Variants in SPAM1 observed in about 807,000 individuals in gnomAD.
The protein encoded by SPAM1 is sperm adhesion molecule 1.
A neutral mutation model predicts 29.6 loss-of-function variants in SPAM1; 22 were observed. That is an observed-to-expected ratio of 0.74 (90% CI 0.53 to 1.06). SPAM1 has a LOEUF of 1.06. SPAM1 is among the 50% of genes least tolerant of loss of function. The pLI is 0.00. For missense variants in SPAM1, 534 were observed against 604.0 expected (o/e 0.88, Z 1.21); for synonymous variants, 194 against 204.6 (o/e 0.95, Z 0.44).
chr7:123,926,780 TAGAA>T (rs1180077593), intron 1 of SPAM1, among the ~76,000 whole-genome samples: 58 of 152,310 alleles, frequency 3.8e-4, no homozygotes, highest in African/African-American at 1.3e-3. Context: ...CTGGGATCGA[TAGAA>T]AGGAATGTTC....
chr7:123,932,431 A>C (rs574861492), intron 1 of SPAM1: 13 of 152,386 alleles, frequency 8.5e-5, no homozygotes, highest in Admixed American at 7.2e-4. Flanking sequence ...CTTCATGTGA[A>C]TCTGTTTCTA....
intron 5 of SPAM1, chr7:123,970,062 G>A (rs1474214585): frequency 1.3e-6 from 1 of 754,854 alleles, no homozygotes; most frequent in African/African-American, 1.8e-5. Flanking sequence ...TTTAGTCCGG[G>A]TTCACTTTCT....
downstream of SPAM1, chr7:123,960,092 C>G: frequency 7.3e-7 from 1 of 1,364,864 alleles, no homozygotes; most frequent in Admixed American, 2.5e-5. Context: ...TTCTGAATAA[C>G]TATACCTAGG....
intron 1 of SPAM1, among the ~76,000 whole-genome samples, chr7:123,934,091 A>T (rs1322782980): frequency 1.3e-5 from 2 of 152,228 alleles, no homozygotes; most frequent in Non-Finnish European, 2.9e-5. Flanking sequence ...ACAATAAGTT[A>T]TACCACATAG....
chr7:123,954,328 G>A lies in SPAM1; in HGVS notation c.758G>A (p.Trp253Ter), dbSNP rs1792194355. The change falls in exon 3 of 5, where the codon TGG (tryptophan) becomes TAG (stop). Residue 253 changes from tryptophan (W) to a stop codon, truncating the protein, a stop_gained. Coordinates refer to ENST00000682466, the MANE Select transcript of SPAM1 (RefSeq NM_153189.3). LOFTEE classifies it high-confidence loss of function. ...AGAAATGATGATCTCAGCTGGTTGT[G>A]GAATGAAAGCACTGCTCTTTACCCA... ...IKRNDDLSWL[W>*]NESTALYPSI... 1 of 1,613,022 alleles carries A rather than the reference G, an allele frequency of 6.2e-7. No individual in the cohort carries two copies. The highest frequency in any genetic ancestry group is 8.5e-7 in the Non-Finnish European group (1 of 1,179,480).
At chr7:123,957,666 T>A (rs1422785138) in intron 4 of SPAM1, among the ~76,000 whole-genome samples, 1 of 152,050 alleles carries the variant, frequency 6.6e-6, no homozygotes, top group African/African-American at 2.4e-5. Context: ...TGGGTTTCAA[T>A]GGAATAAAAT....
downstream of SPAM1, chr7:123,960,085 T>G (rs1415487075): frequency 7.2e-7 from 1 of 1,393,550 alleles, no homozygotes; most frequent in Admixed American, 2.4e-5. Flanking sequence ...AAGTTCTTTC[T>G]GAATAACTAT....
At chr7:123,954,975 C>T in intron 3 of SPAM1, 22 bp from the exon 4 acceptor site, 1 of 1,564,262 alleles carries the variant, frequency 6.4e-7, no homozygotes, top group East Asian at 2.2e-5. Context: ...TATCTGCTAA[C>T]TCTTTCTGTC....
At chr7:123,929,895 A>ATTTTT (rs71163712) in intron 1 of SPAM1, among the ~76,000 whole-genome samples, 4 of 119,830 alleles carry the variant, frequency 3.3e-5, no homozygotes, top group Non-Finnish European at 5.2e-5. Context: ...GTGTTTAGGG[A>ATTTTT]TTTTTTTTTT....
At chr7:123,958,077 C>T (rs1482821942) in intron 4 of SPAM1, among the ~76,000 whole-genome samples, 1 of 152,018 alleles carries the variant, frequency 6.6e-6, no homozygotes, top group East Asian at 1.9e-4. Context: ...CACATTGTCA[C>T]AGGTTCCAGG....
chr7:123,937,508 G>A (rs1218309840), intron 1 of SPAM1, among the ~76,000 whole-genome samples: 4 of 150,630 alleles, frequency 2.7e-5, no homozygotes, highest in Non-Finnish European at 4.4e-5. Flanking sequence ...GGCTGAGGCA[G>A]GAGAATGGAT....
At chr7:123,927,148 A>G (rs1773066795) in intron 1 of SPAM1, among the ~76,000 whole-genome samples, 3 of 152,258 alleles carry the variant, frequency 2.0e-5, no homozygotes, top group South Asian at 2.1e-4. Flanking sequence ...TCTGATGAGA[A>G]TTTATTGTTT....
chr7:123,933,052 AT>A (rs545387698), intron 1 of SPAM1, among the ~76,000 whole-genome samples: 4,958 of 147,578 alleles, frequency 0.034, 167 homozygotes, highest in African/African-American at 0.086. Flanking sequence ...TATTTATTTT[AT>A]TTTTTTTTTT....
chr7:123,945,120 T>C (rs1024658121), intron 1 of SPAM1, among the ~76,000 whole-genome samples: 5 of 152,116 alleles, frequency 3.3e-5, no homozygotes, highest in African/African-American at 1.2e-4. Flanking sequence ...CCATATAAGA[T>C]TCTTTTGCAT....
At chr7:123,925,813 G>A (rs1584943279) in intron 1 of SPAM1, 4 of 151,990 alleles carry the variant, frequency 2.6e-5, no homozygotes, top group Admixed American at 1.3e-4. Context: ...ACTGTGTTGC[G>A]AGGTGCTGTG....
chr7:123,969,216 T>C (rs1043706334), intron 5 of SPAM1, among the ~76,000 whole-genome samples: 1 of 152,050 alleles, frequency 6.6e-6, no homozygotes, highest in African/African-American at 2.4e-5. Flanking sequence ...TGTTTACAAA[T>C]ATTTTCTCTC....
intron 1 of SPAM1, chr7:123,932,015 A>G (rs1380768420): frequency 1.3e-5 from 2 of 152,238 alleles, no homozygotes; most frequent in African/African-American, 4.8e-5. Context: ...ATTCCCTTCC[A>G]TATGAAAAAT....
chr7:123,967,222 T>C (rs6953544), intron 5 of SPAM1, among the ~76,000 whole-genome samples: 49,940 of 151,838 alleles, frequency 0.33, 9,439 homozygotes, highest in African/African-American at 0.51. Context: ...ACAGAAATAA[T>C]AGCTAGTCAC....
intron 1 of SPAM1, among the ~76,000 whole-genome samples, chr7:123,937,820 A>G (rs949285656): frequency 6.6e-6 from 1 of 152,144 alleles, no homozygotes; most frequent in African/African-American, 2.4e-5. Context: ...GTCTTTTTAG[A>G]CATGTGTTTC....
Sources: gnomAD v4.1 joint callset for allele counts (sites outside exome capture counted in the v4.1 genomes callset) on GRCh38, gnomAD v4.1.1 for gene constraint, MANE v1.5 for transcripts, NCBI Gene and HGNC (gene_info 2026-07-23, HGNC 2026-07-21) for gene names.